The following LSAMP variants were observed in gnomAD, a reference collection of about 807,000 sequenced individuals.
The protein encoded by LSAMP is limbic system-associated membrane protein.
In LSAMP, 7 loss-of-function variants were observed where a neutral mutation model predicts 38.6. That is an observed-to-expected ratio of 0.18 (90% CI 0.10 to 0.34). The LOEUF (loss-of-function observed/expected upper bound fraction) is 0.34, where lower values mean the gene tolerates loss of function less well. Ranked by LOEUF, LSAMP falls within the 10% of genes least tolerant of loss-of-function variation. The pLI, the probability that LSAMP is intolerant of heterozygous loss-of-function variation, is 1.00. For synonymous variants in LSAMP, 154 were observed against 166.8 expected, an observed-to-expected ratio of 0.92 and a Z score of 0.59; for missense variants, 313 against 420.0, an observed-to-expected ratio of 0.75 and a Z score of 2.23.
At chr3:116,288,822 C>A (rs1198715754) in intron 1 of LSAMP, among the ~76,000 whole-genome samples, 1 of 152,148 alleles carries the variant, frequency 6.6e-6, no homozygotes, top group Non-Finnish European at 1.5e-5. Flanking sequence ...CTGTACTCTT[C>A]CAAAACTGTC....
chr3:115,982,931 C>CTTT lies in LSAMP; in HGVS notation c.514+36581_514+36583dup, dbSNP rs11386123. Among the ~76,000 whole-genome samples, 499 of 136,252 alleles carry CTTT rather than the reference C, an allele frequency of 3.7e-3. 1 individual carries two copies. The highest frequency in any genetic ancestry group is 0.012 in the African/African-American group (452 of 36,864). The allele number at this position is 136,252 out of a possible 152,430, so 89.4% of individuals were successfully genotyped here. A position where few individuals can be genotyped will look rare whatever the true frequency, so the allele number is the denominator to read the frequency against. Reference sequence around the variant, plus strand: ...CTTAACCAATCATTGCCTATGGAGACTTTTTTTTTTTTTTTTTTAAATCCA... The same window carrying CTTT: ...CTTAACCAATCATTGCCTATGGAGACTTTTTTTTTTTTTTTTTTTTTAAATCCA... On this transcript the variant is annotated intron_variant, in intron 3 of 6. Coordinates refer to ENST00000490035, the MANE Select transcript of LSAMP (RefSeq NM_002338.5).
At chr3:115,971,943 C>G (rs1015792269) in intron 3 of LSAMP, among the ~76,000 whole-genome samples, 1 of 152,078 alleles carries the variant, frequency 6.6e-6, no homozygotes, top group Non-Finnish European at 1.5e-5. Flanking sequence ...TGAGAAGGCA[C>G]ATTTTCCACA....
intron 1 of LSAMP, among the ~76,000 whole-genome samples, chr3:116,296,838 C>G (rs1438484993): frequency 6.6e-6 from 1 of 151,470 alleles, no homozygotes; most frequent in Admixed American, 6.6e-5. Flanking sequence ...ACCTTGGAAT[C>G]TGCAACCATG....
chr3:115,840,603 A>T (rs1167660687), intron 6 of LSAMP, among the ~76,000 whole-genome samples: 1 of 152,258 alleles, frequency 6.6e-6, no homozygotes, highest in Non-Finnish European at 1.5e-5. Flanking sequence ...GTTACAAATG[A>T]GAAACTAAAG....
At position 115,841,979 on chromosome 3, in the gene LSAMP, T is replaced by C. The variant is rs1437707703; in HGVS notation, c.785A>G (p.Asn262Ser). Residue 262 changes from asparagine to serine, a missense_variant, in exon 6 of 7, where the codon AAT (asparagine) becomes AGT (serine). By Grantham distance (46) the Asn-to-Ser change is conservative. Transcript: ENST00000490035. ...YRDDTRINSANGLEIKSTEGQ... is the reference protein window; with the variant it reads ...YRDDTRINSASGLEIKSTEGQ... ...CTCCGTGCTCTTAATCTCAAGGCCA[T>C]TGGCACTATTTATCCTAAGAGTTCA... 6.2e-7 allele frequency: 1 copy of C among 1,612,150 alleles called. No individual in the cohort carries two copies. Among genetic ancestry groups the C allele is most frequent in the African/African-American group, 1.3e-5 (1 of 74,818 alleles).
chr3:115,850,303 G>T (rs1459970701), intron 4 of LSAMP, among the ~76,000 whole-genome samples: 1 of 152,176 alleles, frequency 6.6e-6, no homozygotes, highest in Non-Finnish European at 1.5e-5. Flanking sequence ...AGACCACTTT[G>T]ATGTTTCACA....
chr3:116,220,531 T>C (rs2046270748), intron 1 of LSAMP, among the ~76,000 whole-genome samples: 1 of 152,160 alleles, frequency 6.6e-6, no homozygotes, highest in African/African-American at 2.4e-5. Context: ...AAGTGACTAT[T>C]GGGACTTAGG....
intron 1 of LSAMP, among the ~76,000 whole-genome samples, chr3:116,137,412 A>T (rs1032012975): frequency 1.3e-5 from 2 of 152,254 alleles, no homozygotes; most frequent in East Asian, 3.9e-4. Context: ...TTATTTTAAC[A>T]AGTAATAAAC....
At chr3:115,929,115 G>A (rs191818916) in intron 3 of LSAMP, among the ~76,000 whole-genome samples, 1 of 151,236 alleles carries the variant, frequency 6.6e-6, no homozygotes, top group Non-Finnish European at 1.5e-5. Context: ...TACCAGGAAA[G>A]CATCTTGGTC....
In LSAMP at chr3:116,166,787, GT is replaced by G. The variant is rs35340943; in HGVS notation, c.156-80232del. ...ATCTAAAATTTTTAGTTTTTTTTTT[GT>G]TTTTTTTTTTTTTTTTGAGACGGAG... is the stretch of plus-strand genomic sequence containing the variant. On this transcript the variant is annotated intron_variant, in intron 1 of 6. Coordinates refer to ENST00000490035, the MANE Select transcript of LSAMP (RefSeq NM_002338.5). Among the ~76,000 whole-genome samples, 431 of 118,790 alleles carry G rather than the reference GT, an allele frequency of 3.6e-3. 1 individual carries two copies. Among genetic ancestry groups the G allele is most frequent in the African/African-American group, 9.6e-3 (305 of 31,878 alleles). 77.9% of individuals were successfully genotyped at this position (118,790 alleles called of 152,430 possible). A position where few individuals can be genotyped will look rare whatever the true frequency, so the allele number is the denominator to read the frequency against.
At chr3:115,830,465 G>T (rs959984755) in intron 6 of LSAMP, among the ~76,000 whole-genome samples, 4 of 152,168 alleles carry the variant, frequency 2.6e-5, no homozygotes, top group Admixed American at 1.3e-4. Context: ...GCAATAAGGG[G>T]TAGGTTGAAA....
chr3:115,966,382 T>A (rs1938814624), intron 3 of LSAMP, among the ~76,000 whole-genome samples: 1 of 152,222 alleles, frequency 6.6e-6, no homozygotes, highest in Non-Finnish European at 1.5e-5. Context: ...ATGACTATTT[T>A]ATTTAAACTC....
At chr3:116,277,114 G>T (rs1468482613) in intron 1 of LSAMP, among the ~76,000 whole-genome samples, 1 of 152,146 alleles carries the variant, frequency 6.6e-6, no homozygotes, top group Non-Finnish European at 1.5e-5. Context: ...CCATAAAATA[G>T]AACATGGCCT....
intron 2 of LSAMP, among the ~76,000 whole-genome samples, chr3:116,065,690 T>C (rs1707412544): frequency 6.6e-6 from 1 of 152,242 alleles, no homozygotes; most frequent in Admixed American, 6.5e-5. Flanking sequence ...TCCAGATGGC[T>C]ATTTCCTTGC....
At chr3:115,926,094 G>C (rs1301631273) in intron 3 of LSAMP, among the ~76,000 whole-genome samples, 2 of 152,158 alleles carry the variant, frequency 1.3e-5, no homozygotes, top group African/African-American at 2.4e-5. Flanking sequence ...TGTTATGTGA[G>C]ATGTATGAAG....
At chr3:116,079,488 AC>A (rs1323254279) in intron 2 of LSAMP, among the ~76,000 whole-genome samples, 1 of 152,184 alleles carries the variant, frequency 6.6e-6, no homozygotes, top group Non-Finnish European at 1.5e-5. Context: ...CCCTGTCTCT[AC>A]TAAAAATACG....
chr3:116,066,744 C>G lies in LSAMP; in HGVS notation c.388+19580G>C, dbSNP rs745457615. Reference sequence around the variant, plus strand: ...TAAGATTCTCAACCACCTCTAAGTTCTTTATATGATAGCTCCACCCTAATA... The same window carrying G: ...TAAGATTCTCAACCACCTCTAAGTTGTTTATATGATAGCTCCACCCTAATA... On this transcript the variant is annotated intron_variant, in intron 2 of 6. Transcript: ENST00000490035. Among the ~76,000 whole-genome samples, 5 of 152,188 alleles carry G rather than the reference C, an allele frequency of 3.3e-5. No homozygotes were observed. In the East Asian group the frequency reaches 7.7e-4, roughly 23 times the overall value.
chr3:115,960,468 G>A (rs1938589795), intron 3 of LSAMP, among the ~76,000 whole-genome samples: 1 of 152,042 alleles, frequency 6.6e-6, no homozygotes, highest in Admixed American at 6.6e-5. Context: ...AACACACCAG[G>A]GCCTGGTACT....
At chr3:116,323,526 C>T (rs895751312) in intron 1 of LSAMP, among the ~76,000 whole-genome samples, 1 of 152,066 alleles carries the variant, frequency 6.6e-6, no homozygotes, top group African/African-American at 2.4e-5. Flanking sequence ...ATTTTTTCAA[C>T]CTCTCTATCC....
Sources: allele counts gnomAD v4.1 joint callset (sites outside exome capture counted in the v4.1 genomes callset), GRCh38; gene constraint gnomAD v4.1.1; transcripts MANE v1.5; gene names NCBI Gene and HGNC (gene_info 2026-07-23, HGNC 2026-07-21).